CSMD1: variants seen among roughly 807,000 people sequenced by gnomAD.
CSMD1 encodes the protein CUB and sushi domain-containing protein 1.
In CSMD1, 213 loss-of-function variants were observed where a neutral mutation model predicts 417.5. The ratio of observed to expected loss-of-function variants is 0.51; its 90% confidence interval spans 0.46 to 0.57. CSMD1 has a LOEUF of 0.57. Ranked by LOEUF, CSMD1 falls within the 20% of genes least tolerant of loss-of-function variation. The pLI is 0.00. For synonymous variants in CSMD1, 2,862 were observed against 1,736.8 expected (o/e 1.65, Z -16.11); for missense variants, 6,923 against 4,529.7 (o/e 1.53, Z -15.17).
chr8:4,821,441 A>G (rs1799517884), intron 1 of CSMD1, among the ~76,000 whole-genome samples: 1 of 152,144 alleles, frequency 6.6e-6, no homozygotes, highest in African/African-American at 2.4e-5. Flanking sequence ...TAAGGTAAAA[A>G]TCTCATACTA....
chr8:4,324,016 C>T (rs1398402121), intron 3 of CSMD1, among the ~76,000 whole-genome samples: 3 of 152,174 alleles, frequency 2.0e-5, no homozygotes, highest in African/African-American at 7.2e-5. Flanking sequence ...GCAGGCACAG[C>T]CACACCCTTA....
chr8:4,077,448 T>G (rs1184392015), intron 3 of CSMD1, among the ~76,000 whole-genome samples: 3 of 151,782 alleles, frequency 2.0e-5, no homozygotes, highest in African/African-American at 7.3e-5. Flanking sequence ...GAGTATCCTA[T>G]ACATATCATT....
intron 27 of CSMD1, among the ~76,000 whole-genome samples, chr8:3,229,761 G>C (rs1437333814): frequency 2.0e-5 from 3 of 152,154 alleles, no homozygotes; most frequent in African/African-American, 7.2e-5. Context: ...TTAAATTACA[G>C]ACATTTGATT....
chr8:3,161,388 AG>A (rs1484232374), intron 38 of CSMD1, among the ~76,000 whole-genome samples: 1 of 152,116 alleles, frequency 6.6e-6, no homozygotes, highest in Non-Finnish European at 1.5e-5. Flanking sequence ...AGGCCAAGGC[AG>A]GTGGATCACC....
intron 33 of CSMD1, among the ~76,000 whole-genome samples, chr8:3,192,213 C>G (rs1010593518): frequency 1.3e-5 from 2 of 152,182 alleles, no homozygotes; most frequent in African/African-American, 4.8e-5. Flanking sequence ...AATGATTTAT[C>G]AGAATCATTC....
intron 5 of CSMD1, among the ~76,000 whole-genome samples, chr8:3,794,736 T>C (rs971604109): frequency 1.3e-5 from 2 of 152,098 alleles, no homozygotes; most frequent in Admixed American, 6.5e-5. Context: ...TATCTCACAG[T>C]TGCAACTTCC....
intron 5 of CSMD1, among the ~76,000 whole-genome samples, chr8:3,756,891 G>C (rs1464165294): frequency 6.6e-6 from 1 of 152,120 alleles, no homozygotes; most frequent in Non-Finnish European, 1.5e-5. Flanking sequence ...CGACTCCTGG[G>C]CTCAAGCCAT....
chr8:3,850,602 G>A (rs1325111224), intron 5 of CSMD1, among the ~76,000 whole-genome samples: 1 of 152,138 alleles, frequency 6.6e-6, no homozygotes, highest in Non-Finnish European at 1.5e-5. Flanking sequence ...AGCTGAGGCA[G>A]GAGAATAACT....
At chr8:4,893,644 G>A (rs17348575) in intron 1 of CSMD1, among the ~76,000 whole-genome samples, 10,154 of 152,094 alleles carry the variant, frequency 0.067, 462 homozygotes, top group Middle Eastern at 0.099. Flanking sequence ...TACATTTTAT[G>A]AGAAGCCGAA....
intron 1 of CSMD1, among the ~76,000 whole-genome samples, chr8:4,716,658 A>G (rs1176688718): frequency 6.6e-6 from 1 of 152,220 alleles, no homozygotes; most frequent in African/African-American, 2.4e-5. Flanking sequence ...AGCATTTAAG[A>G]AAAGTATTTA....
chr8:4,226,312 G>A (rs371367091), intron 3 of CSMD1, among the ~76,000 whole-genome samples: 1 of 152,076 alleles, frequency 6.6e-6, no homozygotes, highest in Admixed American at 6.6e-5. Flanking sequence ...ATTCAAAAAA[G>A]AATTAGAGAC....
chr8:3,702,749 T>C (rs887958521), intron 7 of CSMD1, among the ~76,000 whole-genome samples: 8 of 152,160 alleles, frequency 5.3e-5, no homozygotes, highest in Non-Finnish European at 7.3e-5. Context: ...GGAGAATCGC[T>C]GGAACCTGGG....
At chr8:3,779,230 C>T (rs1799050310) in intron 5 of CSMD1, among the ~76,000 whole-genome samples, 1 of 151,078 alleles carries the variant, frequency 6.6e-6, no homozygotes, top group Non-Finnish European at 1.5e-5. Flanking sequence ...TCACTGTATG[C>T]CTTCTAGAAG....
intron 1 of CSMD1, among the ~76,000 whole-genome samples, chr8:4,738,529 G>A (rs1254453259): frequency 2.0e-5 from 3 of 152,092 alleles, no homozygotes; most frequent in Non-Finnish European, 4.4e-5. Context: ...ACATCCACCT[G>A]GCCACTCCCA....
rs35818830 is a variant in CSMD1, at chr8:4,528,781, T to TTCTC, written c.302+108557_302+108560dup. 4.3e-3 allele frequency among the ~76,000 whole-genome samples: 645 copies of TTCTC among 149,408 alleles called. 4 individuals are homozygous for TTCTC. Among genetic ancestry groups the TTCTC allele is most frequent in the African/African-American group, 0.015 (618 of 40,736 alleles). ...CTGAATTTTCACATAAGAGCTCACT[T>TTCTC]TCTCTCTCTCTCTCTCTCTCTCTCA... On this transcript the variant is annotated intron_variant, in intron 2 of 69. Coordinates refer to ENST00000635120, the MANE Select transcript of CSMD1 (RefSeq NM_033225.6).
intron 3 of CSMD1, among the ~76,000 whole-genome samples, chr8:4,166,856 A>G (rs961662788): frequency 6.6e-6 from 1 of 152,232 alleles, no homozygotes; most frequent in South Asian, 2.1e-4. Context: ...ATTTGTTTCA[A>G]TGAACAACAA....
chr8:4,206,095 T>C lies in CSMD1; in HGVS notation c.416-173996A>G, dbSNP rs112151772. 3.5e-3 allele frequency among the ~76,000 whole-genome samples: 536 copies of C among 152,182 alleles called. 2 individuals are homozygous for C. Among genetic ancestry groups the C allele is most frequent in the African/African-American group, 0.012 (515 of 41,520 alleles). ...ATTCAAAGGACAGAAAGTGAGTAAA[T>C]AGGATAAACAACGCAGGGAAAAGGA... On this transcript the variant is annotated intron_variant, in intron 3 of 69. Transcript: ENST00000635120.
At chr8:4,242,463 G>C (rs1218577812) in intron 3 of CSMD1, among the ~76,000 whole-genome samples, 1 of 152,164 alleles carries the variant, frequency 6.6e-6, no homozygotes, top group Non-Finnish European at 1.5e-5. Context: ...CTATTGTTGT[G>C]AGCATAAATT....
intron 1 of CSMD1, among the ~76,000 whole-genome samples, chr8:4,720,523 G>C (rs939586102): frequency 6.6e-6 from 1 of 152,044 alleles, no homozygotes; most frequent in Non-Finnish European, 1.5e-5. Flanking sequence ...GTTCAAGCAA[G>C]TCTCCTGCCT....
Sources: allele counts gnomAD v4.1 joint callset (sites outside exome capture counted in the v4.1 genomes callset), GRCh38; gene constraint gnomAD v4.1.1; transcripts MANE v1.5; gene names NCBI Gene and HGNC (gene_info 2026-07-23, HGNC 2026-07-21).